MGRN1: variants seen among roughly 807,000 people sequenced by gnomAD.
The protein encoded by MGRN1 is mahogunin ring finger 1.
A neutral mutation model predicts 69.2 loss-of-function variants in MGRN1; 29 were observed. The ratio of observed to expected loss-of-function variants is 0.42; its 90% CI spans 0.31 to 0.57. The LOEUF (loss-of-function observed/expected upper bound fraction) is 0.57. MGRN1 is among the 20% of genes least tolerant of loss of function. The probability of loss-of-function intolerance (pLI) is 0.15; values close to 1 mark genes in which losing one functional copy is unlikely to be tolerated. For missense variants in MGRN1, 998 were observed against 796.2 expected (o/e 1.25, Z -3.05); for synonymous variants, 470 against 344.2 (o/e 1.37, Z -4.04).
At chr16:4,649,278 T>A (rs1176856173) in intron 1 of MGRN1, 2 of 152,198 alleles carry the variant, frequency 1.3e-5, no homozygotes, top group African/African-American at 4.8e-5. Context: ...TAGCCTGGGG[T>A]CACGAAATGT....
In MGRN1 at chr16:4,653,015, G is replaced by A. The variant is rs1027449847; in HGVS notation, c.443+191G>A. Among the ~76,000 whole-genome samples the A allele has an allele frequency of 2.6e-5, 4 of 152,218 alleles. No individual in the cohort carries two copies. In the South Asian group the frequency reaches 8.3e-4, roughly 32 times the overall value. ...CCCACTTTTCTGCGGGAACCAGCTG[G>A]GGTCCTTTGACTGGTTTCAGTTCCA... On this transcript the variant is annotated intron_variant, in intron 4 of 16. Transcript: ENST00000262370.
In MGRN1 at chr16:4,681,658, A is replaced by G; in HGVS notation, c.1240A>G (p.Ile414Val). The G allele has an allele frequency of 6.2e-7, 1 of 1,613,446 alleles. No homozygotes were observed. The highest frequency in any genetic ancestry group is 1.1e-5 in the South Asian group (1 of 91,088). Residue 414 changes from isoleucine to valine, a missense_variant, in exon 13 of 17, where the codon ATC becomes GTC. Coordinates refer to ENST00000262370, the MANE Select transcript of MGRN1 (RefSeq NM_015246.4). ...CCCCTCGGCCCCTCTTTATGAAGAA[A>G]TCACCTATTCAGGCATCTCGGACGG... ...AIPSAPLYEEITYSGISDGLS... is the reference protein window; with the variant it reads ...AIPSAPLYEEVTYSGISDGLS...
rs538166131 is a variant in MGRN1 at position 4,678,366 on chromosome 16, G to A, written c.1065+794G>A. On this transcript the variant is annotated intron_variant, in intron 11 of 16. Coordinates refer to ENST00000262370, the MANE Select transcript of MGRN1 (RefSeq NM_015246.4). ...AGATGCACAGAGAAACACAGAGACA[G>A]GGCGAGAGAGAGGTGGAGAGACACA... Among the ~76,000 whole-genome samples, 9 of 152,352 alleles carry A rather than the reference G, an allele frequency of 5.9e-5. No homozygotes were observed. The East Asian group carries it at 1.3e-3, about 23-fold the overall frequency.
At chr16:4,642,036 G>C in intron 1 of MGRN1, among the ~76,000 whole-genome samples, 1 of 151,670 alleles carries the variant, frequency 6.6e-6, no homozygotes, top group Non-Finnish European at 1.5e-5. Context: ...TCTGCGCCGT[G>C]TTGATCACGT....
chr16:4,672,258 G>T (rs769118331), intron 9 of MGRN1: 17 of 433,648 alleles, frequency 3.9e-5, no homozygotes, highest in Non-Finnish European at 6.5e-5. Context: ...TGTTGGCCAG[G>T]CTGGTCTCAA....
At chr16:4,625,136 GC>G in intron 1 of MGRN1, 88 bp downstream of exon 1, 4 of 1,197,160 alleles carry the variant, frequency 3.3e-6, no homozygotes, top group Non-Finnish European at 4.5e-6. Context: ...GGGGCGGGGC[GC>G]CCTGCTCGGC....
At chr16:4,679,007 G>T (rs1436227961) in intron 11 of MGRN1, among the ~76,000 whole-genome samples, 1 of 152,218 alleles carries the variant, frequency 6.6e-6, no homozygotes, top group Non-Finnish European at 1.5e-5. Context: ...ATCTGACATG[G>T]TCTTGATGCT....
intron 11 of MGRN1, among the ~76,000 whole-genome samples, chr16:4,678,612 G>A (rs1473145951): frequency 6.6e-6 from 1 of 152,198 alleles, no homozygotes; most frequent in Admixed American, 6.5e-5. Context: ...GGGATGGGTG[G>A]CAGGGGCTGT....
At chr16:4,673,679 T>C in intron 10 of MGRN1, 22 bp downstream of exon 10, 1 of 1,610,498 alleles carries the variant, frequency 6.2e-7, no homozygotes, top group Non-Finnish European at 8.5e-7. Context: ...GGCCGGCTGT[T>C]CTGTGGAAGG....
chr16:4,687,519 A>G, intron 16 of MGRN1: 3 of 982,210 alleles, frequency 3.1e-6, no homozygotes, highest in Non-Finnish European at 3.6e-6. Context: ...AATAAAAAAA[A>G]ATACACACAC....
intron 8 of MGRN1, chr16:4,669,341 G>T (rs1289398804): frequency 6.6e-6 from 1 of 151,508 alleles, no homozygotes; most frequent in Non-Finnish European, 1.5e-5. Flanking sequence ...GGATGAGGTA[G>T]GAGAATGGCT....
intron 4 of MGRN1, among the ~76,000 whole-genome samples, chr16:4,654,567 G>C (rs1294661391): frequency 6.6e-6 from 1 of 152,244 alleles, no homozygotes; most frequent in African/African-American, 2.4e-5. Flanking sequence ...TCAGTGGTCA[G>C]CTTTGCATCT....
Position 4,624,915 on chromosome 16 carries a change from G to C in MGRN1, c.-46G>C. On this transcript the variant is annotated 5_prime_UTR_variant, in exon 1 of 17. Coordinates refer to ENST00000262370, the MANE Select transcript of MGRN1 (RefSeq NM_015246.4). ...GCGTGAGGACCCCGCCGCTGTCGCC[G>C]CTCCCGTTCCGGCCCTGGCCCCTCT... 1.4e-6 allele frequency: 2 copies of C among 1,471,916 alleles called. No homozygotes were observed. Among genetic ancestry groups the C allele is most frequent in the Non-Finnish European group, 1.8e-6 (2 of 1,102,870 alleles). The allele number at this position is 1,471,916 out of a possible 1,614,324, so 91.2% of individuals were successfully genotyped here.
At chr16:4,673,766 A>T in intron 10 of MGRN1, 109 bp downstream of exon 10, 1 of 1,355,288 alleles carries the variant, frequency 7.4e-7, no homozygotes, top group Non-Finnish European at 1.0e-6. Flanking sequence ...GCTAAGAAAG[A>T]AGAGTTGTCA....
intron 16 of MGRN1, chr16:4,686,803 G>C: frequency 7.1e-6 from 7 of 988,280 alleles, no homozygotes; most frequent in Non-Finnish European, 8.4e-6. Context: ...ACGTTAGGAC[G>C]CTCAGCAGGT....
intron 2 of MGRN1, chr16:4,651,187 C>T (rs954656920): frequency 1.3e-5 from 2 of 152,216 alleles, no homozygotes; most frequent in African/African-American, 4.8e-5. Flanking sequence ...ATGCAGACAG[C>T]TGGCTAACAT....
chr16:4,651,684 G>A (rs780387200), intron 2 of MGRN1, among the ~76,000 whole-genome samples: 5 of 152,136 alleles, frequency 3.3e-5, no homozygotes, highest in Non-Finnish European at 7.4e-5. Context: ...AAGCCTGGGA[G>A]AGCAGGTTGG....
At chr16:4,655,130 G>A (rs916172212) in intron 4 of MGRN1, among the ~76,000 whole-genome samples, 2 of 152,190 alleles carry the variant, frequency 1.3e-5, no homozygotes, top group East Asian at 3.9e-4. Flanking sequence ...CCCTCCTCGG[G>A]CCTGGCCGAC....
At chr16:4,657,428 G>A in intron 5 of MGRN1, 65 bp downstream of exon 5, 1 of 1,481,294 alleles carries the variant, frequency 6.8e-7, no homozygotes, top group South Asian at 1.1e-5. Context: ...TGGGGGTGGG[G>A]CCAGCACAGT....
Sources: gnomAD v4.1 joint callset for allele counts (sites outside exome capture counted in the v4.1 genomes callset) on GRCh38, gnomAD v4.1.1 for gene constraint, MANE v1.5 for transcripts, NCBI Gene and HGNC (gene_info 2026-07-23, HGNC 2026-07-21) for gene names.